The following TBC1D5 variants were observed in gnomAD, a reference collection of about 807,000 sequenced individuals.
TBC1D5 encodes TBC1 domain family, member 5.
Under a neutral mutation model 100.3 loss-of-function variants are expected in TBC1D5, and 75 were observed. That is an observed-to-expected ratio of 0.75 (90% CI 0.62 to 0.91). The LOEUF (loss-of-function observed/expected upper bound fraction) is 0.91, where lower values mean the gene tolerates loss of function less well. Among genes scored for constraint, TBC1D5 ranks in the 40% least tolerant of loss-of-function variants. TBC1D5 has a pLI of 0.00. For missense variants in TBC1D5, 910 were observed against 942.4 expected, an observed-to-expected ratio of 0.97 and a Z score of 0.45; for synonymous variants, 323 against 325.6, an observed-to-expected ratio of 0.99 and a Z score of 0.09.
At chr3:17,467,723 A>AAATAATAATAAT (rs762727520) in intron 3 of TBC1D5, among the ~76,000 whole-genome samples, 1 of 151,486 alleles carries the variant, frequency 6.6e-6, no homozygotes, top group Admixed American at 6.6e-5. Context: ...AAAAATACAA[A>AAATAATAATAAT]AATAATAATA....
At chr3:17,706,774 T>C (rs925596950) in intron 1 of TBC1D5, among the ~76,000 whole-genome samples, 3 of 151,952 alleles carry the variant, frequency 2.0e-5, no homozygotes, top group Non-Finnish European at 2.9e-5. Flanking sequence ...AAATTATCTT[T>C]GTTTTATAAT....
intron 14 of TBC1D5, among the ~76,000 whole-genome samples, chr3:17,301,488 T>C (rs1437146871): frequency 6.6e-6 from 1 of 152,204 alleles, no homozygotes; most frequent in Non-Finnish European, 1.5e-5. Flanking sequence ...GGCCTGGCAT[T>C]ACCCCAAGTA....
At chr3:17,407,030 C>A (rs1012483731) in intron 4 of TBC1D5, among the ~76,000 whole-genome samples, 7 of 152,044 alleles carry the variant, frequency 4.6e-5, no homozygotes, top group Non-Finnish European at 1.0e-4. Flanking sequence ...ACTGAAATTG[C>A]AACTTCTTTC....
At chr3:17,640,113 T>G (rs186614923) in intron 1 of TBC1D5, among the ~76,000 whole-genome samples, 1 of 152,000 alleles carries the variant, frequency 6.6e-6, no homozygotes, top group African/African-American at 2.4e-5. Flanking sequence ...ATGCAAGGTG[T>G]GGGGGTTGAG....
chr3:17,687,802 C>G (rs891204983), intron 1 of TBC1D5, among the ~76,000 whole-genome samples: 8 of 152,180 alleles, frequency 5.3e-5, no homozygotes, highest in African/African-American at 1.9e-4. Context: ...AAACTTAGCC[C>G]TTTGGTCACA....
chr3:17,530,077 C>G (rs2096198912), intron 2 of TBC1D5, among the ~76,000 whole-genome samples: 2 of 151,926 alleles, frequency 1.3e-5, no homozygotes, highest in African/African-American at 4.8e-5. Flanking sequence ...AATCCCATCT[C>G]TACTAAAAAT....
At chr3:17,216,093 G>C (rs1185245024) in intron 17 of TBC1D5, among the ~76,000 whole-genome samples, 1 of 152,140 alleles carries the variant, frequency 6.6e-6, no homozygotes, top group Non-Finnish European at 1.5e-5. Context: ...CCCTTGGATA[G>C]AAGGAGAGAG....
chr3:17,289,713 TC>T (rs2081533356), intron 15 of TBC1D5, among the ~76,000 whole-genome samples: 1 of 151,334 alleles, frequency 6.6e-6, no homozygotes, highest in Non-Finnish European at 1.5e-5. Context: ...TAATTCAACC[TC>T]CAAATATTAC....
chr3:17,669,006 T>C (rs2067606647), intron 1 of TBC1D5, among the ~76,000 whole-genome samples: 1 of 152,204 alleles, frequency 6.6e-6, no homozygotes, highest in Admixed American at 6.5e-5. Context: ...TTTGGTTCTG[T>C]GTCCCCACCC....
chr3:17,253,182 T>C (rs1472543319), intron 16 of TBC1D5, among the ~76,000 whole-genome samples: 1 of 152,266 alleles, frequency 6.6e-6, no homozygotes, highest in African/African-American at 2.4e-5. Flanking sequence ...TGTATTTTTT[T>C]CAGATGTTTT....
At chr3:17,263,836 T>C (rs1029605605) in intron 15 of TBC1D5, among the ~76,000 whole-genome samples, 7 of 152,242 alleles carry the variant, frequency 4.6e-5, no homozygotes, top group African/African-American at 1.4e-4. Context: ...TAATTTAGCA[T>C]CATCACAAAA....
intron 1 of TBC1D5, among the ~76,000 whole-genome samples, chr3:17,705,453 G>C (rs1484489788): frequency 6.7e-6 from 1 of 149,510 alleles, no homozygotes; most frequent in Non-Finnish European, 1.5e-5. Flanking sequence ...TTCTCAGACG[G>C]GGCAGCTGTC....
At chr3:17,466,756 T>C (rs1425129979) in intron 3 of TBC1D5, among the ~76,000 whole-genome samples, 3 of 150,120 alleles carry the variant, frequency 2.0e-5, no homozygotes, top group African/African-American at 7.6e-5. Flanking sequence ...ACACCTTATA[T>C]GCAAAATTAC....
intron 16 of TBC1D5, among the ~76,000 whole-genome samples, chr3:17,248,128 A>C (rs929604281): frequency 2.0e-5 from 3 of 151,988 alleles, no homozygotes; most frequent in Admixed American, 1.3e-4. Flanking sequence ...AGCAACTGGG[A>C]CTAAAGGCAC....
At chr3:17,707,698 A>G (rs941879509) in intron 1 of TBC1D5, among the ~76,000 whole-genome samples, 1 of 152,196 alleles carries the variant, frequency 6.6e-6, no homozygotes, top group Non-Finnish European at 1.5e-5. Context: ...TGCCAGTCAA[A>G]ACAGCTTCTT....
chr3:17,488,156 C>A (rs2095594040), intron 3 of TBC1D5, among the ~76,000 whole-genome samples: 1 of 152,178 alleles, frequency 6.6e-6, no homozygotes, highest in African/African-American at 2.4e-5. Flanking sequence ...TCCTGGGCCC[C>A]TTGGCAACCA....
rs2062862700 is a variant in TBC1D5 at position 17,623,868 on chromosome 3, G to C, written c.-55C>G. On this transcript the variant is annotated 5_prime_UTR_variant, in exon 2 of 22. It introduces an in-frame stop codon into an upstream open reading frame of the 5' UTR. Coordinates refer to ENST00000253692, the Ensembl canonical transcript of TBC1D5. The stretch of plus-strand genomic sequence containing the variant: ...TCTTACAGATTTTCTTTCAGGCTTT[G>C]AGAATTTTTCTCCCATTCCAAACTT... 6.6e-6 allele frequency: 1 copy of C among 151,890 alleles called. No homozygotes were observed. The highest frequency in any genetic ancestry group is 2.4e-5 in the African/African-American group (1 of 41,320). 9.4% of individuals were successfully genotyped at this position (151,890 alleles called of 1,614,324 possible). A position where few individuals can be genotyped will look rare whatever the true frequency, so the allele number is the denominator to read the frequency against.
chr3:17,168,919 A>G (rs115716833), intron 19 of TBC1D5, among the ~76,000 whole-genome samples: 1 of 151,264 alleles, frequency 6.6e-6, no homozygotes, highest in African/African-American at 2.4e-5. Context: ...CTAATATACC[A>G]CTCCTCACTT....
At chr3:17,466,071 C>G (rs997180650) in intron 3 of TBC1D5, among the ~76,000 whole-genome samples, 1 of 152,152 alleles carries the variant, frequency 6.6e-6, no homozygotes, top group Admixed American at 6.6e-5. Context: ...TGCCATCTTG[C>G]GTGGCATGAA....
Sources: gnomAD v4.1 joint callset for allele counts (sites outside exome capture counted in the v4.1 genomes callset) on GRCh38, gnomAD v4.1.1 for gene constraint, MANE v1.5 for transcripts, NCBI Gene and HGNC (gene_info 2026-07-23, HGNC 2026-07-21) for gene names.